RIBC2: variants seen among roughly 807,000 people sequenced by gnomAD.
The protein encoded by RIBC2 is RIB43A-like with coiled-coils protein 2.
A neutral mutation model predicts 44.3 loss-of-function variants in RIBC2; 40 were observed. The observed-to-expected ratio is 0.90, with a 90% CI of 0.70 to 1.18. RIBC2 has a LOEUF of 1.18. Ranked by LOEUF, RIBC2 falls within the 50% of genes most tolerant of loss-of-function variation. The probability of loss-of-function intolerance (pLI) is 0.00; values close to 1 mark genes in which losing one functional copy is unlikely to be tolerated. For synonymous variants in RIBC2, 171 were observed against 175.0 expected (o/e 0.98, Z 0.18); for missense variants, 459 against 485.5 (o/e 0.95, Z 0.51).
In RIBC2 at chr22:45,421,571, ATAGTAT is replaced by A. The variant is rs745373708; in HGVS notation, c.557-716_557-711del. ...AATAATAATAATAGTATTATTAATA[ATAGTAT>A]TATTAATAATAATAATAGTATTATT... On this transcript the variant is annotated intron_variant, in intron 3 of 6. Transcript: ENST00000614167. 3.1e-3 allele frequency among the ~76,000 whole-genome samples: 406 copies of A among 132,758 alleles called. 9 individuals carry two copies. The highest frequency in any genetic ancestry group is 0.015 in the Middle Eastern group (4 of 270). 87.1% of individuals were successfully genotyped at this position (132,758 alleles called of 152,430 possible). A position where few individuals can be genotyped will look rare whatever the true frequency, so the allele number is the denominator to read the frequency against.
intron 4 of RIBC2, among the ~76,000 whole-genome samples, chr22:45,424,388 C>T (rs956618388): frequency 6.6e-6 from 1 of 152,054 alleles, no homozygotes; most frequent in Non-Finnish European, 1.5e-5. Flanking sequence ...CCCGACCACA[C>T]GGGGTGCAGA....
At chr22:45,430,633 C>G (rs2087570607) in intron 5 of RIBC2, among the ~76,000 whole-genome samples, 1 of 152,196 alleles carries the variant, frequency 6.6e-6, no homozygotes, top group South Asian at 2.1e-4. Context: ...GGAGTGGAGG[C>G]TGCTGTAGGA....
intron 2 of RIBC2, among the ~76,000 whole-genome samples, chr22:45,416,615 C>G (rs889360074): frequency 1.1e-4 from 16 of 152,012 alleles, no homozygotes; most frequent in Non-Finnish European, 2.2e-4. Flanking sequence ...GCACGTGCCA[C>G]CAAGCCCAGC....
chr22:45,425,254 G>A (rs1276401741), intron 4 of RIBC2, among the ~76,000 whole-genome samples: 1 of 152,204 alleles, frequency 6.6e-6, no homozygotes, highest in Non-Finnish European at 1.5e-5. Flanking sequence ...AGCTTGTACT[G>A]TGTGACTCAA....
intron 3 of RIBC2, among the ~76,000 whole-genome samples, chr22:45,421,355 AATT>A (rs1242352054): frequency 9.5e-5 from 14 of 147,028 alleles, no homozygotes; most frequent in Admixed American, 8.9e-4. Flanking sequence ...TTAAATAATT[AATT>A]ATTATTTAAA....
At chr22:45,424,753 C>CTTTTT (rs3071820) in intron 4 of RIBC2, among the ~76,000 whole-genome samples, 2 of 124,372 alleles carry the variant, frequency 1.6e-5, no homozygotes, top group African/African-American at 6.3e-5. Context: ...TTTCTTTTTT[C>CTTTTT]TTTTTTTTTT....
chr22:45,431,892 G>A (rs1207818323), intron 6 of RIBC2, among the ~76,000 whole-genome samples: 1 of 152,240 alleles, frequency 6.6e-6, no homozygotes, highest in Non-Finnish European at 1.5e-5. Context: ...AGGATGGCCT[G>A]AGCCCAGGGG....
intron 6 of RIBC2, among the ~76,000 whole-genome samples, chr22:45,431,310 T>C (rs1047449728): frequency 4.6e-5 from 7 of 152,110 alleles, no homozygotes; most frequent in Non-Finnish European, 1.0e-4. Flanking sequence ...GCACTGAGTC[T>C]GCTGGGGGAG....
chr22:45,430,823 C>T (rs2087572415), intron 5 of RIBC2, 77 bp from the exon 6 acceptor site: 2 of 1,433,774 alleles, frequency 1.4e-6, no homozygotes, highest in South Asian at 3.0e-5. Flanking sequence ...GAATGAGAGG[C>T]CAGGCCTCCT....
rs1362495181 is a variant in RIBC2, at chr22:45,417,725, G to C, written c.335G>C (p.Arg112Pro). The C allele has an allele frequency of 6.2e-7, 1 of 1,614,034 alleles. No homozygotes were observed. The change falls in exon 3 of 7, where the codon CGC becomes CCC. Residue 112 changes from arginine to proline, a missense_variant. Physicochemically the swap from Arg to Pro is moderately radical, Grantham distance 103. Coordinates refer to ENST00000614167, the MANE Select transcript of RIBC2 (RefSeq NM_015653.5). ...FQQSFQKPETRREFDLSDPLA... is the reference protein window; with the variant it reads ...FQQSFQKPETPREFDLSDPLA... ...CAGAGCTTTCAGAAGCCAGAAACTCGCCGTGAATTTGATCTGTCCGACCCC... is the reference window on the plus strand; with the variant it reads ...CAGAGCTTTCAGAAGCCAGAAACTCCCCGTGAATTTGATCTGTCCGACCCC...
intron 4 of RIBC2, among the ~76,000 whole-genome samples, chr22:45,423,494 CTT>C (rs773788866): frequency 7.9e-5 from 12 of 152,182 alleles, no homozygotes; most frequent in African/African-American, 2.9e-4. Flanking sequence ...AACCTCATCA[CTT>C]TTGATTTCCA....
At chr22:45,418,152 T>C (rs185088289) in intron 3 of RIBC2, 54 of 457,014 alleles carry the variant, frequency 1.2e-4, no homozygotes, top group African/African-American at 7.6e-4. Context: ...AGTCAGAGCC[T>C]GCCCTCCAGG....
At chr22:45,417,485 C>A in intron 2 of RIBC2, 117 bp from the exon 3 acceptor site, 2 of 773,178 alleles carry the variant, frequency 2.6e-6, no homozygotes, top group Non-Finnish European at 2.0e-6. Context: ...AGGAGACCAG[C>A]CCAGGCAACA....
In RIBC2 at chr22:45,414,048, C is replaced by T. The variant is rs1400637552; in HGVS notation, c.129+33C>T. On this transcript the variant is annotated intron_variant, in intron 1 of 6. Coordinates refer to ENST00000614167, the MANE Select transcript of RIBC2 (RefSeq NM_015653.5). ...GGCAGGGGCCGGGACGGGGTTAGAG[C>T]GGCAGATGCGGGCGAGGGGCTGCGT... 8 of 1,548,658 alleles carry T rather than the reference C, an allele frequency of 5.2e-6. No individual in the cohort carries two copies. In the Admixed American group the frequency reaches 1.6e-4, roughly 30 times the overall value.
intron 4 of RIBC2, among the ~76,000 whole-genome samples, chr22:45,425,648 G>A (rs539283553): frequency 2.6e-5 from 4 of 152,264 alleles, no homozygotes; most frequent in Admixed American, 2.0e-4. Flanking sequence ...GCGGGGTGTC[G>A]GCCTAATCCA....
chr22:45,430,731 A>G (rs1050302349), intron 5 of RIBC2, among the ~76,000 whole-genome samples, 169 bp from the exon 6 acceptor site: 1 of 152,156 alleles, frequency 6.6e-6, no homozygotes, highest in African/African-American at 2.4e-5. Flanking sequence ...GAATGAGGGC[A>G]GGCTGGGGGT....
chr22:45,428,151 C>T (rs2087549965), intron 5 of RIBC2, among the ~76,000 whole-genome samples: 1 of 152,208 alleles, frequency 6.6e-6, no homozygotes, highest in South Asian at 2.1e-4. Context: ...CTGCCATGCT[C>T]AGGCTAAACG....
At chr22:45,415,611 A>G (rs867167936) in intron 2 of RIBC2, among the ~76,000 whole-genome samples, 3 of 144,938 alleles carry the variant, frequency 2.1e-5, no homozygotes, top group African/African-American at 5.6e-5. Context: ...GTGTATATAT[A>G]TATATATATA....
chr22:45,421,565 T>TTAATAATAGTATTATTAATAA (rs1462764127), intron 3 of RIBC2, among the ~76,000 whole-genome samples: 20 of 116,864 alleles, frequency 1.7e-4, no homozygotes, highest in Admixed American at 3.6e-4. Flanking sequence ...AATAGTATTA[T>TTAATAATAGTATTATTAATAA]TAATAATAGT....
Sources: allele counts gnomAD v4.1 joint callset (sites outside exome capture counted in the v4.1 genomes callset), GRCh38; gene constraint gnomAD v4.1.1; transcripts MANE v1.5; gene names NCBI Gene and HGNC (gene_info 2026-07-23, HGNC 2026-07-21).